GPHN: variants seen among roughly 807,000 people sequenced by gnomAD.
GPHN encodes gephyrin.
In GPHN, 17 loss-of-function variants were observed where a neutral mutation model predicts 95.5. The ratio of observed to expected loss-of-function variants is 0.18; its 90% CI spans 0.12 to 0.27. The LOEUF (loss-of-function observed/expected upper bound fraction) is 0.27. Ranked by LOEUF, GPHN falls within the 10% of genes least tolerant of loss-of-function variation. The pLI is 1.00. For synonymous variants in GPHN, 320 were observed against 322.5 expected (o/e 0.99, Z 0.08); for missense variants, 660 against 978.1 (o/e 0.67, Z 4.34).
At chr14:66,565,964 A>C (rs867433752) in intron 1 of GPHN, among the ~76,000 whole-genome samples, 66 of 128,326 alleles carry the variant, frequency 5.1e-4, no homozygotes, top group African/African-American at 2.6e-3. Context: ...GTAAAAAGAA[A>C]ATTCTTTTTT....
rs1008527100 is a variant in GPHN at position 66,915,908 on chromosome 14, A to G, written c.390-95A>G. ...ACTTTTATTCCTAAAACAGTTGTTC[A>G]CATGTAAAGTAAAATGATTGTTATT... On this transcript the variant is annotated intron_variant, in intron 5 of 22. Transcript: ENST00000478722. 15 of 782,090 alleles carry G rather than the reference A, an allele frequency of 1.9e-5. No homozygotes were observed. The African/African-American group carries it at 2.5e-4, about 13-fold the overall frequency. The allele number at this position is 782,090 out of a possible 1,614,324, so 48.4% of individuals were successfully genotyped here.
At chr14:66,671,120 T>C (rs975650825) in intron 1 of GPHN, among the ~76,000 whole-genome samples, 2 of 152,214 alleles carry the variant, frequency 1.3e-5, no homozygotes, top group South Asian at 4.1e-4. Flanking sequence ...ATTTTATCCT[T>C]GCAAATGTCT....
At chr14:67,231,656 C>G in the GPHN span, among the ~76,000 whole-genome samples, 3 of 152,044 alleles carry the variant, frequency 2.0e-5, no homozygotes, top group Non-Finnish European at 4.4e-5. Flanking sequence ...AAAATAGGTG[C>G]CTTTTTTGCA....
the GPHN span, among the ~76,000 whole-genome samples, chr14:67,297,770 T>G: frequency 6.6e-6 from 1 of 152,198 alleles, no homozygotes; most frequent in Admixed American, 6.6e-5. Flanking sequence ...CTCTCTTCCT[T>G]TCATTGAATT....
chr14:66,993,962 T>G (rs1359819861), intron 9 of GPHN, among the ~76,000 whole-genome samples: 1 of 152,188 alleles, frequency 6.6e-6, no homozygotes, highest in Non-Finnish European at 1.5e-5. Context: ...TAACAGTAAG[T>G]CAATTTTAGG....
intron 1 of GPHN, among the ~76,000 whole-genome samples, chr14:66,650,058 T>C (rs2064963946): frequency 6.8e-6 from 1 of 147,634 alleles, no homozygotes; most frequent in South Asian, 2.1e-4. Flanking sequence ...ACAGACCCAA[T>C]GATGAGATAG....
At chr14:67,321,344 G>T in the GPHN span, 2 of 1,262,534 alleles carry the variant, frequency 1.6e-6, no homozygotes, top group South Asian at 2.5e-5. Context: ...TTTGGTCCAA[G>T]AACAGCGCGA....
At chr14:66,809,905 T>C (rs1309725531) in intron 3 of GPHN, among the ~76,000 whole-genome samples, 4 of 152,088 alleles carry the variant, frequency 2.6e-5, no homozygotes, top group African/African-American at 7.2e-5. Flanking sequence ...AAGCAGAACT[T>C]AGTATTACCA....
intron 1 of GPHN, among the ~76,000 whole-genome samples, chr14:66,650,983 A>T (rs1027726968): frequency 1.3e-5 from 2 of 152,122 alleles, no homozygotes; most frequent in Non-Finnish European, 2.9e-5. Flanking sequence ...AAAATTATCA[A>T]CCACATTAAA....
At position 66,632,489 on chromosome 14, in the gene GPHN, CTTT is replaced by C. The variant is rs60856342; in HGVS notation, c.65-48598_65-48596del. 4.1e-5 allele frequency among the ~76,000 whole-genome samples: 5 copies of C among 122,078 alleles called. No homozygotes were observed. The South Asian group carries it at 7.7e-4, about 19-fold the overall frequency. The allele number at this position is 122,078 out of a possible 152,430, so 80.1% of individuals were successfully genotyped here. On this transcript the variant is annotated intron_variant, in intron 1 of 22. Coordinates refer to ENST00000478722, the MANE Select transcript of GPHN (RefSeq NM_020806.5). ...ATACTTTCCTTTCTTACAATACATT[CTTT>C]TTTTTTTTTTTTTTTTTTTGGGATG... is the stretch of plus-strand genomic sequence containing the variant.
At chr14:67,154,707 A>G (rs1356338327) in intron 18 of GPHN, among the ~76,000 whole-genome samples, 2 of 152,194 alleles carry the variant, frequency 1.3e-5, no homozygotes, top group Non-Finnish European at 2.9e-5. Flanking sequence ...CAGTTGCTCT[A>G]TAACCTAAGT....
intron 4 of GPHN, among the ~76,000 whole-genome samples, chr14:66,860,283 CAG>C (rs1226127212): frequency 6.6e-6 from 1 of 152,064 alleles, no homozygotes; most frequent in East Asian, 1.9e-4. Context: ...GCAGAGGTTT[CAG>C]TGGAAAACTT....
rs560970614 is a variant in GPHN at position 66,582,992 on chromosome 14, A to G, written c.64+74401A>G. On this transcript the variant is annotated intron_variant, in intron 1 of 22. Coordinates refer to ENST00000478722, the MANE Select transcript of GPHN (RefSeq NM_020806.5). Reference sequence around the variant, plus strand: ...TCCACAATGGTGGAACTAGTTTACAATCCCACCAACAGTGTAAAAGTGTTC... The same window carrying G: ...TCCACAATGGTGGAACTAGTTTACAGTCCCACCAACAGTGTAAAAGTGTTC... 3.7e-3 allele frequency among the ~76,000 whole-genome samples: 560 copies of G among 152,140 alleles called. 11 individuals carry two copies. Among genetic ancestry groups the G allele is most frequent in the African/African-American group, 0.013 (523 of 41,510 alleles).
chr14:67,379,961 G>T, the GPHN span, among the ~76,000 whole-genome samples: 1 of 152,020 alleles, frequency 6.6e-6, no homozygotes, highest in Admixed American at 6.6e-5. Flanking sequence ...TTGCTATGTT[G>T]CCTAGACTGG....
At chr14:67,585,601 G>A in the GPHN span, 1 of 1,586,022 alleles carries the variant, frequency 6.3e-7, no homozygotes, top group Non-Finnish European at 8.6e-7. Flanking sequence ...GAACGCTCTG[G>A]TGTGGATTGC....
chr14:67,356,428 CAAAAACAAAAAAAA>C, the GPHN span, among the ~76,000 whole-genome samples: 3 of 113,470 alleles, frequency 2.6e-5, no homozygotes, highest in African/African-American at 9.6e-5. Flanking sequence ...CTCAAAAAAA[CAAAAACAAAAAAAA>C]AAAAACAAAA....
the GPHN span, among the ~76,000 whole-genome samples, chr14:67,411,840 C>T: frequency 6.6e-6 from 1 of 152,268 alleles, no homozygotes; most frequent in Admixed American, 6.5e-5. Context: ...GCTTACCCCG[C>T]GTCCCCTCGG....
At chr14:67,681,962 G>A in the GPHN span, among the ~76,000 whole-genome samples, 1 of 152,062 alleles carries the variant, frequency 6.6e-6, no homozygotes, top group Admixed American at 6.5e-5. Flanking sequence ...CCTCATACCT[G>A]GATTAATGTC....
chr14:67,317,540 G>A, the GPHN span: 1 of 1,143,204 alleles, frequency 8.7e-7, no homozygotes, highest in East Asian at 2.5e-5. Context: ...ACCTAGTCCT[G>A]TTTTGCACCT....
Sources: gnomAD v4.1 joint callset for allele counts (sites outside exome capture counted in the v4.1 genomes callset) on GRCh38, gnomAD v4.1.1 for gene constraint, MANE v1.5 for transcripts, NCBI Gene and HGNC (gene_info 2026-07-23, HGNC 2026-07-21) for gene names.